The following ENOX2 variants were observed in gnomAD, a reference collection of about 807,000 sequenced individuals.
ENOX2 encodes ecto-NOX disulfide-thiol exchanger 2, also known as APK1 antigen.
ENOX2 carries 36 observed loss-of-function variants against 45.0 expected under a neutral mutation model. That is an observed-to-expected ratio of 0.80 (90% CI 0.61 to 1.06). The LOEUF is 1.06. Among genes scored for constraint, ENOX2 ranks in the 50% least tolerant of loss-of-function variants. The probability of loss-of-function intolerance (pLI) is 0.00; values close to 1 mark genes in which losing one functional copy is unlikely to be tolerated. For missense variants in ENOX2, 423 were observed against 462.5 expected (o/e 0.91, Z 0.78); for synonymous variants, 174 against 152.3 (o/e 1.14, Z -1.05).
chrX:130,759,682 CCACA>C (rs2039435936), intron 3 of ENOX2, among the ~76,000 whole-genome samples: 2 of 109,031 alleles, frequency 1.8e-5, no homozygotes, highest in Admixed American at 2.0e-4. Flanking sequence ...TCCACAAGCA[CCACA>C]CAGTCTTGAT....
Position 130,897,315 on chromosome X carries a change from T to C in ENOX2, c.-183+4369A>G, listed in dbSNP as rs374235948. On this transcript the variant is annotated intron_variant, in intron 2 of 14. Transcript: ENST00000394363. ...CCACGACAGGGTGAGATCATGTCAG[T>C]TGGCTGTTCTTGTTATGCTGTGGTC... Among the ~76,000 whole-genome samples, 51 of 112,327 alleles carry C rather than the reference T, an allele frequency of 4.5e-4. 4 individuals are homozygous for C. The East Asian group carries it at 7.3e-3, about 16-fold the overall frequency.
intron 3 of ENOX2, among the ~76,000 whole-genome samples, chrX:130,727,964 G>A (rs1490470151): frequency 8.9e-6 from 1 of 111,819 alleles, no homozygotes; most frequent in Non-Finnish European, 1.9e-5. Flanking sequence ...ATTCACCCTT[G>A]TTGCCTGCTC....
At chrX:130,659,122 C>G (rs1342860066) in intron 9 of ENOX2, among the ~76,000 whole-genome samples, 1 of 112,089 alleles carries the variant, frequency 8.9e-6, no homozygotes, top group Non-Finnish European at 1.9e-5. Context: ...CTGGGCTGTA[C>G]ACAGGAAATA....
chrX:130,832,442 C>G (rs6637775), intron 2 of ENOX2, among the ~76,000 whole-genome samples: 1 of 82,977 alleles, frequency 1.2e-5, no homozygotes, highest in Non-Finnish European at 2.5e-5. Flanking sequence ...CACACACATA[C>G]ACACACACAC....
chrX:130,763,915 T>C (rs1444625508), intron 3 of ENOX2, among the ~76,000 whole-genome samples: 1 of 110,622 alleles, frequency 9.0e-6, no homozygotes, highest in Non-Finnish European at 1.9e-5. Flanking sequence ...AGCTTAGCTA[T>C]TGTCTACAAG....
chrX:130,840,524 A>T (rs1288451817), intron 2 of ENOX2, among the ~76,000 whole-genome samples: 1 of 99,263 alleles, frequency 1.0e-5, no homozygotes, highest in African/African-American at 3.8e-5. Flanking sequence ...TCTTTTAAAA[A>T]ATAAATAAAT....
chrX:130,863,197 T>G (rs1247408607), intron 2 of ENOX2, among the ~76,000 whole-genome samples: 1 of 112,310 alleles, frequency 8.9e-6, no homozygotes, highest in Non-Finnish European at 1.9e-5. Context: ...GATTTATACC[T>G]CCAATGTCTA....
intron 2 of ENOX2, among the ~76,000 whole-genome samples, chrX:130,811,456 C>T (rs1027169436): frequency 8.9e-6 from 1 of 112,452 alleles, no homozygotes; most frequent in Non-Finnish European, 1.9e-5. Flanking sequence ...TAGGTCCATC[C>T]ACCTGCTGAC....
At chrX:130,751,522 T>C (rs1245614608) in intron 3 of ENOX2, among the ~76,000 whole-genome samples, 1 of 112,186 alleles carries the variant, frequency 8.9e-6, no homozygotes, top group Non-Finnish European at 1.9e-5. Flanking sequence ...TGCAGCTATA[T>C]ATGCATGCAT....
chrX:130,858,686 T>C (rs894803463), intron 2 of ENOX2, among the ~76,000 whole-genome samples: 1 of 111,387 alleles, frequency 9.0e-6, no homozygotes, highest in African/African-American at 3.3e-5. Flanking sequence ...GTAACTCAGA[T>C]GTATATTGAT....
At chrX:130,687,003 G>A (rs866852744) in intron 5 of ENOX2, among the ~76,000 whole-genome samples, 12 of 111,740 alleles carry the variant, frequency 1.1e-4, no homozygotes, top group African/African-American at 3.9e-4. Context: ...TCTGTGAGAG[G>A]TTCTTCCAAC....
intron 2 of ENOX2, among the ~76,000 whole-genome samples, chrX:130,860,927 C>T (rs1294639721): frequency 1.8e-5 from 2 of 111,531 alleles, no homozygotes; most frequent in Non-Finnish European, 3.8e-5. Context: ...TCCTACAATG[C>T]AATAGCAAAA....
intron 3 of ENOX2, among the ~76,000 whole-genome samples, chrX:130,745,032 T>C (rs774077772): frequency 1.7e-4 from 19 of 111,606 alleles, no homozygotes; most frequent in African/African-American, 5.9e-4. Flanking sequence ...CCCGAGACCA[T>C]ACCCCCCGAC....
chrX:130,667,721 G>T lies in ENOX2; in HGVS notation c.716C>A (p.Ala239Asp). Reference sequence around the variant, plus strand: ...TATCCAGGTAAGCAAGGTCTGTACAGCTTCTGAGAATTTGGAATCATCTGA... The same window carrying T: ...TATCCAGGTAAGCAAGGTCTGTACATCTTCTGAGAATTTGGAATCATCTGA... ...KLKDDSKFSE[A>D]VQTLLTWIER... Residue 239 changes from alanine (A) to aspartate (D), a missense_variant, in exon 8 of 15, where the codon GCT becomes GAT. By Grantham distance (126) the Ala-to-Asp change is moderately radical (BLOSUM62 -2). Coordinates refer to ENST00000394363, the MANE Select transcript of ENOX2 (RefSeq NM_006375.4). 2 of 1,193,719 alleles carry T rather than the reference G, an allele frequency of 1.7e-6. No homozygotes were observed. Among genetic ancestry groups the T allele is most frequent in the Non-Finnish European group, 2.3e-6 (2 of 884,077 alleles).
intron 10 of ENOX2, 83 bp from the exon 11 acceptor site, chrX:130,637,493 C>A: frequency 3.6e-6 from 3 of 839,923 alleles, no homozygotes; most frequent in Non-Finnish European, 5.0e-6. Flanking sequence ...TTGGTTCTTC[C>A]TCTTGATGAA....
intron 3 of ENOX2, among the ~76,000 whole-genome samples, chrX:130,747,635 C>T (rs1279045621): frequency 2.7e-5 from 3 of 112,430 alleles, no homozygotes; most frequent in Non-Finnish European, 5.6e-5. Context: ...GAGCTGTGGG[C>T]TTCATGCCCC....
chrX:130,847,820 T>C (rs191132137), intron 2 of ENOX2, among the ~76,000 whole-genome samples: 14 of 112,436 alleles, frequency 1.2e-4, no homozygotes, highest in African/African-American at 4.2e-4. Flanking sequence ...ACTCTAAGTA[T>C]GTAAATCCTA....
At chrX:130,877,109 C>A (rs925090417) in intron 2 of ENOX2, among the ~76,000 whole-genome samples, 3 of 111,803 alleles carry the variant, frequency 2.7e-5, no homozygotes, top group Non-Finnish European at 5.6e-5. Context: ...TTTTCTCTTT[C>A]TTAATAATTT....
chrX:130,696,162 G>T (rs2037753805), intron 4 of ENOX2, among the ~76,000 whole-genome samples: 2 of 112,133 alleles, frequency 1.8e-5, no homozygotes, highest in Admixed American at 9.4e-5. Context: ...AGTTCACAAA[G>T]GTCCTCCCAA....
Sources: allele counts gnomAD v4.1 joint callset (sites outside exome capture counted in the v4.1 genomes callset), GRCh38; gene constraint gnomAD v4.1.1; transcripts MANE v1.5; gene names NCBI Gene and HGNC (gene_info 2026-07-23, HGNC 2026-07-21).